Variants in RPTOR observed in about 807,000 individuals in gnomAD.
RPTOR encodes the protein regulatory-associated protein of mTOR.
In RPTOR, 21 loss-of-function variants were observed where a neutral mutation model predicts 169.9. The ratio of observed to expected loss-of-function variants is 0.12; its 90% CI spans 0.09 to 0.18. The LOEUF (loss-of-function observed/expected upper bound fraction) is 0.18. Among genes scored for constraint, RPTOR ranks in the 10% least tolerant of loss-of-function variants. The pLI, the probability that RPTOR is intolerant of heterozygous loss-of-function variation, is 1.00. For missense variants in RPTOR, 1,133 were observed against 1,855.9 expected (o/e 0.61, Z 7.16); for synonymous variants, 732 against 753.2 (o/e 0.97, Z 0.46).
chr17:80,877,495 T>A (rs988424680), intron 13 of RPTOR, among the ~76,000 whole-genome samples: 1 of 152,242 alleles, frequency 6.6e-6, no homozygotes, highest in Non-Finnish European at 1.5e-5. Context: ...TCTCCCACCC[T>A]GATTTGCATG....
At chr17:80,688,497 T>C (rs960070762) in intron 3 of RPTOR, among the ~76,000 whole-genome samples, 4 of 152,230 alleles carry the variant, frequency 2.6e-5, no homozygotes, top group Non-Finnish European at 5.9e-5. Context: ...TTCTTGACTT[T>C]TCCCTCATGA....
intron 24 of RPTOR, among the ~76,000 whole-genome samples, chr17:80,932,164 T>TATATATATAC (rs960397789): frequency 6.6e-6 from 1 of 151,136 alleles, no homozygotes; most frequent in Non-Finnish European, 1.5e-5. Context: ...TATATATATA[T>TATATATATAC]ACACCTTAGT....
At chr17:80,945,394 C>G (rs1008533697) in intron 25 of RPTOR, among the ~76,000 whole-genome samples, 3 of 152,118 alleles carry the variant, frequency 2.0e-5, no homozygotes, top group Non-Finnish European at 2.9e-5. Flanking sequence ...AGATCAAGAC[C>G]ATCCTGTCTA....
At chr17:80,742,740 G>A (rs758893230) in intron 5 of RPTOR, among the ~76,000 whole-genome samples, 14 of 151,562 alleles carry the variant, frequency 9.2e-5, no homozygotes, top group Middle Eastern at 3.2e-3. Context: ...ATGCATGTGC[G>A]CACACATACA....
At chr17:80,626,188 G>A (rs2065392757) in intron 2 of RPTOR, among the ~76,000 whole-genome samples, 1 of 152,096 alleles carries the variant, frequency 6.6e-6, no homozygotes, top group Non-Finnish European at 1.5e-5. Flanking sequence ...TAGTAGCTGG[G>A]ACTACAGGCA....
At chr17:80,953,932 G>A (rs1313388260) in intron 28 of RPTOR, among the ~76,000 whole-genome samples, 1 of 152,246 alleles carries the variant, frequency 6.6e-6, no homozygotes, top group Non-Finnish European at 1.5e-5. Context: ...CTTCTGACCT[G>A]CTGGGACATT....
At chr17:80,816,256 G>A (rs557234052) in intron 7 of RPTOR, among the ~76,000 whole-genome samples, 2 of 152,358 alleles carry the variant, frequency 1.3e-5, no homozygotes, top group East Asian at 1.9e-4. Context: ...CTGTCTGGAC[G>A]CCTGGCAGGC....
chr17:80,669,376 A>G (rs1318234229), intron 3 of RPTOR, among the ~76,000 whole-genome samples: 8 of 152,174 alleles, frequency 5.3e-5, no homozygotes, highest in Admixed American at 5.2e-4. Flanking sequence ...CCTGTTGCAT[A>G]CAGTAGTTCA....
At chr17:80,865,537 C>T (rs925399658) in intron 13 of RPTOR, among the ~76,000 whole-genome samples, 1 of 152,116 alleles carries the variant, frequency 6.6e-6, no homozygotes, top group Non-Finnish European at 1.5e-5. Context: ...GAGCAGAGAA[C>T]GTTGCTAACA....
intron 21 of RPTOR, among the ~76,000 whole-genome samples, chr17:80,912,191 G>C (rs1195059797): frequency 6.6e-6 from 1 of 152,180 alleles, no homozygotes; most frequent in African/African-American, 2.4e-5. Context: ...TTTTAGAATT[G>C]ATGGCCAGTT....
At chr17:80,611,710 C>G (rs1431842445) in intron 1 of RPTOR, among the ~76,000 whole-genome samples, 1 of 151,504 alleles carries the variant, frequency 6.6e-6, no homozygotes, top group East Asian at 1.9e-4. Context: ...AATAGTTCGT[C>G]TATATTGAAA....
chr17:80,571,156 T>C (rs1302771573), intron 1 of RPTOR, among the ~76,000 whole-genome samples: 1 of 152,176 alleles, frequency 6.6e-6, no homozygotes, highest in Non-Finnish European at 1.5e-5. Flanking sequence ...AGTGCCAGAG[T>C]GCGGGATTTG....
At chr17:80,737,706 G>A (rs574355207) in intron 5 of RPTOR, among the ~76,000 whole-genome samples, 2 of 152,128 alleles carry the variant, frequency 1.3e-5, no homozygotes, top group African/African-American at 2.4e-5. Context: ...ACCCATACTT[G>A]TGAAGGTTTT....
chr17:80,679,481 G>A (rs1003597284), intron 3 of RPTOR, among the ~76,000 whole-genome samples: 18 of 152,096 alleles, frequency 1.2e-4, no homozygotes, highest in African/African-American at 3.4e-4. Context: ...CTTTTTACTC[G>A]GCTCAGGAAT....
chr17:80,822,741 T>C (rs1261188589), intron 8 of RPTOR, among the ~76,000 whole-genome samples: 1 of 151,546 alleles, frequency 6.6e-6, no homozygotes, highest in Non-Finnish European at 1.5e-5. Context: ...TACACGTGTG[T>C]ATATGCATAT....
intron 24 of RPTOR, among the ~76,000 whole-genome samples, chr17:80,940,005 G>A (rs964003159): frequency 2.0e-5 from 3 of 152,160 alleles, no homozygotes; most frequent in Admixed American, 1.3e-4. Context: ...AGGGACCAGC[G>A]ATGTGTTTTG....
chr17:80,557,921 G>A (rs913821212), intron 1 of RPTOR, among the ~76,000 whole-genome samples: 8 of 152,120 alleles, frequency 5.3e-5, no homozygotes, highest in African/African-American at 1.4e-4. Flanking sequence ...GCGAGACTCC[G>A]TCTCAAAAAA....
At chr17:80,828,320 C>T (rs1319045814) in intron 9 of RPTOR, among the ~76,000 whole-genome samples, 1 of 152,182 alleles carries the variant, frequency 6.6e-6, no homozygotes, top group African/African-American at 2.4e-5. Context: ...ATATGAGAAA[C>T]CCGTGGCAGG....
At chr17:80,709,482 C>G (rs930299225) in intron 4 of RPTOR, among the ~76,000 whole-genome samples, 1 of 152,232 alleles carries the variant, frequency 6.6e-6, no homozygotes, top group African/African-American at 2.4e-5. Context: ...CGCGCTCTTC[C>G]GCAGTGCGCT....
Sources: allele counts gnomAD v4.1 joint callset (sites outside exome capture counted in the v4.1 genomes callset), GRCh38; gene constraint gnomAD v4.1.1; transcripts MANE v1.5; gene names NCBI Gene and HGNC (gene_info 2026-07-23, HGNC 2026-07-21).